B3GALT1: variants seen among roughly 807,000 people sequenced by gnomAD.
The protein encoded by B3GALT1 is UDP-Gal:betaGlcNAc beta 1,3-galactosyltransferase, polypeptide 1.
In B3GALT1, 10 loss-of-function variants were observed where a neutral mutation model predicts 23.2. That is an observed-to-expected ratio of 0.43 (90% CI 0.27 to 0.73). The LOEUF (loss-of-function observed/expected upper bound fraction) is 0.73, where lower values mean the gene tolerates loss of function less well. Among genes scored for constraint, B3GALT1 ranks in the 30% least tolerant of loss-of-function variants. B3GALT1 has a pLI of 0.21. For missense variants in B3GALT1, 299 were observed against 405.4 expected, an observed-to-expected ratio of 0.74 and a Z score of 2.25; for synonymous variants, 156 against 141.5, an observed-to-expected ratio of 1.10 and a Z score of -0.73.
chr2:167,363,858 G>A (rs1244371897), intron 1 of B3GALT1, among the ~76,000 whole-genome samples: 1 of 152,058 alleles, frequency 6.6e-6, no homozygotes, highest in African/African-American at 2.4e-5. Context: ...CATGTTGTCT[G>A]CTATGAAAAC....
chr2:167,703,294 G>A (rs1026051077), intron 3 of B3GALT1, among the ~76,000 whole-genome samples: 11 of 152,122 alleles, frequency 7.2e-5, no homozygotes, highest in Admixed American at 5.9e-4. Flanking sequence ...CAACAGGGCT[G>A]CCCTGACTAC....
chr2:167,619,525 T>C (rs1685220923), intron 2 of B3GALT1, among the ~76,000 whole-genome samples: 1 of 152,050 alleles, frequency 6.6e-6, no homozygotes, highest in Non-Finnish European at 1.5e-5. Context: ...AATGTATTTT[T>C]AAAGACTTAA....
chr2:167,667,368 C>T (rs1460795063), intron 3 of B3GALT1, among the ~76,000 whole-genome samples: 4 of 152,162 alleles, frequency 2.6e-5, no homozygotes, highest in African/African-American at 9.7e-5. Flanking sequence ...ACCTTTCTCT[C>T]TGGCTGCCCT....
At chr2:167,693,922 C>T (rs1339875968) in intron 3 of B3GALT1, among the ~76,000 whole-genome samples, 2 of 152,132 alleles carry the variant, frequency 1.3e-5, no homozygotes, top group Non-Finnish European at 2.9e-5. Context: ...GTTAGCTGGT[C>T]TGAGCTGGGC....
intron 1 of B3GALT1, among the ~76,000 whole-genome samples, chr2:167,434,081 G>A (rs1396806681): frequency 6.6e-6 from 1 of 152,076 alleles, no homozygotes; most frequent in East Asian, 1.9e-4. Flanking sequence ...ACATGTCAAA[G>A]CTTAAAGATA....
intron 3 of B3GALT1, among the ~76,000 whole-genome samples, chr2:167,755,106 G>A (rs1175998434): frequency 6.6e-6 from 1 of 152,072 alleles, no homozygotes; most frequent in East Asian, 1.9e-4. Flanking sequence ...CCCACAGGTT[G>A]GTTTACAATT....
chr2:167,389,858 C>T (rs1697988816), intron 1 of B3GALT1, among the ~76,000 whole-genome samples: 1 of 138,680 alleles, frequency 7.2e-6, no homozygotes, highest in African/African-American at 2.7e-5. Flanking sequence ...CTGCATGGAG[C>T]TGTGATTGTG....
At chr2:167,861,919 A>G (rs533393794) in intron 4 of B3GALT1, among the ~76,000 whole-genome samples, 2 of 152,298 alleles carry the variant, frequency 1.3e-5, no homozygotes, top group African/African-American at 2.4e-5. Context: ...AATGAAGTAG[A>G]TTTAGAAATG....
chr2:167,655,249 C>A (rs1685938362), intron 3 of B3GALT1, among the ~76,000 whole-genome samples: 1 of 152,096 alleles, frequency 6.6e-6, no homozygotes, highest in Non-Finnish European at 1.5e-5. Context: ...AATCTATAGT[C>A]TCAACTTAAA....
chr2:167,674,476 G>C (rs1260438566), intron 3 of B3GALT1, among the ~76,000 whole-genome samples: 1 of 152,170 alleles, frequency 6.6e-6, no homozygotes, highest in Non-Finnish European at 1.5e-5. Context: ...TACAAGGCAA[G>C]GGGCCATGTC....
chr2:167,612,608 CA>C (rs1209497361), intron 2 of B3GALT1, among the ~76,000 whole-genome samples: 10 of 151,926 alleles, frequency 6.6e-5, no homozygotes, highest in Non-Finnish European at 1.0e-4. Context: ...AAAATTCCAA[CA>C]TTTTTTTATT....
At chr2:167,667,941 CT>C (rs537599996) in intron 3 of B3GALT1, among the ~76,000 whole-genome samples, 545 of 152,328 alleles carry the variant, frequency 3.6e-3, no homozygotes, top group Non-Finnish European at 5.6e-3. Flanking sequence ...GCCTTCTTCT[CT>C]CAGCTTGTCA....
At chr2:167,843,189 T>C (rs1177633662) in intron 4 of B3GALT1, among the ~76,000 whole-genome samples, 1 of 152,210 alleles carries the variant, frequency 6.6e-6, no homozygotes, top group Non-Finnish European at 1.5e-5. Flanking sequence ...CAGCTGTAAA[T>C]TTTCGTAAAC....
At chr2:167,451,404 C>T (rs958442694) in intron 1 of B3GALT1, among the ~76,000 whole-genome samples, 1 of 152,038 alleles carries the variant, frequency 6.6e-6, no homozygotes, top group Non-Finnish European at 1.5e-5. Context: ...ATGTAGTACT[C>T]TCCCCCTTTT....
At chr2:167,584,264 A>G (rs1684544694) in intron 2 of B3GALT1, among the ~76,000 whole-genome samples, 1 of 152,202 alleles carries the variant, frequency 6.6e-6, no homozygotes, top group Admixed American at 6.5e-5. Context: ...ACCAGTGTTA[A>G]GGGGCCAAGA....
intron 2 of B3GALT1, among the ~76,000 whole-genome samples, chr2:167,564,384 C>T (rs1165113356): frequency 6.7e-6 from 1 of 148,682 alleles, no homozygotes; most frequent in Non-Finnish European, 1.5e-5. Context: ...CCAGACTGGG[C>T]AGCCAGGCAG....
intron 2 of B3GALT1, among the ~76,000 whole-genome samples, chr2:167,498,439 G>T (rs567606284): frequency 6.6e-6 from 1 of 152,126 alleles, no homozygotes; most frequent in East Asian, 1.9e-4. Context: ...TAATAAAAAG[G>T]TATGCAAAAA....
intron 3 of B3GALT1, among the ~76,000 whole-genome samples, chr2:167,719,807 C>G (rs1290215214): frequency 6.6e-6 from 1 of 152,222 alleles, no homozygotes; most frequent in East Asian, 1.9e-4. Flanking sequence ...TGGCACGTGC[C>G]TGTAATCCCA....
chr2:167,370,649 A>G (rs1035510119), intron 1 of B3GALT1, among the ~76,000 whole-genome samples: 2 of 151,898 alleles, frequency 1.3e-5, no homozygotes, highest in African/African-American at 4.9e-5. Context: ...TAATTTTCTA[A>G]TTATTTGGTT....
Sources: allele counts gnomAD v4.1 joint callset (sites outside exome capture counted in the v4.1 genomes callset), GRCh38; gene constraint gnomAD v4.1.1; transcripts MANE v1.5; gene names NCBI Gene and HGNC (gene_info 2026-07-23, HGNC 2026-07-21).